The following KLHL32 variants were observed in gnomAD, a reference collection of about 807,000 sequenced individuals.
The protein encoded by KLHL32 is kelch-like protein 32.
A neutral mutation model predicts 64.8 loss-of-function variants in KLHL32; 35 were observed. That is an observed-to-expected ratio of 0.54 (90% CI 0.41 to 0.72). The LOEUF is 0.72. Ranked by LOEUF, KLHL32 falls within the 30% of genes least tolerant of loss-of-function variation. The pLI is 0.00. For missense variants in KLHL32, 589 were observed against 768.5 expected (o/e 0.77, Z 2.76); for synonymous variants, 259 against 281.0 (o/e 0.92, Z 0.78).
At chr6:97,018,237 A>C (rs546778375) in intron 3 of KLHL32, among the ~76,000 whole-genome samples, 124 of 152,308 alleles carry the variant, frequency 8.1e-4, no homozygotes, top group Non-Finnish European at 1.5e-3. Flanking sequence ...AGAAGATGAC[A>C]GATATTAGAC....
chr6:96,986,770 C>T (rs1471414158), intron 3 of KLHL32, among the ~76,000 whole-genome samples: 2 of 152,244 alleles, frequency 1.3e-5, no homozygotes, highest in Non-Finnish European at 2.9e-5. Flanking sequence ...TGCCATCTGT[C>T]ACCCCTTTCT....
chr6:97,140,496 T>C lies in KLHL32; in HGVS notation c.*1214T>C, dbSNP rs1419762643. 1 of 152,212 alleles carries C rather than the reference T, an allele frequency of 6.6e-6. No individual in the cohort carries two copies. The highest frequency in any genetic ancestry group is 2.4e-5 in the African/African-American group (1 of 41,588). The allele number at this position is 152,212 out of a possible 1,614,324, so 9.4% of individuals were successfully genotyped here. ...TCTTTTTTAGACTAGTTTTTGGGTT[T>C]GCTTTGTCTATAACAAAAAATAAAT... On this transcript the variant is annotated 3_prime_UTR_variant, in exon 11 of 11. Transcript: ENST00000369261.
chr6:96,952,893 T>A (rs1399188771), intron 1 of KLHL32, among the ~76,000 whole-genome samples: 2 of 152,178 alleles, frequency 1.3e-5, no homozygotes, highest in Non-Finnish European at 2.9e-5. Flanking sequence ...CAGCCAGGCC[T>A]ATGGCCCCCA....
At chr6:96,969,400 T>G (rs1402590101) in intron 2 of KLHL32, among the ~76,000 whole-genome samples, 2 of 152,198 alleles carry the variant, frequency 1.3e-5, no homozygotes, top group Non-Finnish European at 2.9e-5. Context: ...CAGTCTTTCC[T>G]TTCCTCATTT....
At chr6:97,096,059 A>G (rs1794941105) in intron 6 of KLHL32, among the ~76,000 whole-genome samples, 1 of 152,140 alleles carries the variant, frequency 6.6e-6, no homozygotes, top group Non-Finnish European at 1.5e-5. Context: ...TATTGCACGG[A>G]AAATTCAAGA....
intron 1 of KLHL32, among the ~76,000 whole-genome samples, chr6:96,944,667 C>T (rs1017580802): frequency 6.6e-6 from 1 of 152,182 alleles, no homozygotes; most frequent in Admixed American, 6.5e-5. Context: ...TAAATGTTGG[C>T]TCAGAAAGGC....
the KLHL32 span, among the ~76,000 whole-genome samples, chr6:96,901,135 C>A: frequency 6.6e-6 from 1 of 152,202 alleles, no homozygotes; most frequent in African/African-American, 2.4e-5. Context: ...CAGATGCCTG[C>A]TTTGTGGTTA....
chr6:96,933,311 T>G lies in KLHL32; in HGVS notation c.-66+8285T>G, dbSNP rs188601240. On this transcript the variant is annotated intron_variant, in intron 1 of 10. Transcript: ENST00000369261. ...CTGCTTCCTCTACTTGGACCTCTTT[T>G]GGGAGATTTATATCCTGTGATTGCT... Among the ~76,000 whole-genome samples, 144 of 152,288 alleles carry G rather than the reference T, an allele frequency of 9.5e-4. 1 individual carries two copies. The Middle Eastern group carries it at 0.01, about 11-fold the overall frequency.
chr6:97,007,015 C>G (rs1467559937), intron 3 of KLHL32, among the ~76,000 whole-genome samples: 1 of 152,096 alleles, frequency 6.6e-6, no homozygotes, highest in African/African-American at 2.4e-5. Flanking sequence ...CTCCACATTT[C>G]CCAAATTTTA....
At chr6:97,077,181 C>T (rs559913003) in intron 5 of KLHL32, among the ~76,000 whole-genome samples, 2 of 152,210 alleles carry the variant, frequency 1.3e-5, no homozygotes, top group East Asian at 3.9e-4. Flanking sequence ...GCCTGCCTTT[C>T]CCTGGAGATG....
intron 6 of KLHL32, among the ~76,000 whole-genome samples, chr6:97,101,733 A>G (rs900378251): frequency 6.6e-6 from 1 of 152,244 alleles, no homozygotes; most frequent in Non-Finnish European, 1.5e-5. Context: ...GGTTAATCAT[A>G]AGAGCTAGTT....
intron 6 of KLHL32, among the ~76,000 whole-genome samples, chr6:97,090,891 G>T (rs1038277477): frequency 6.6e-6 from 1 of 152,206 alleles, no homozygotes; most frequent in African/African-American, 2.4e-5. Flanking sequence ...GGGCACAGAG[G>T]TGCATCCAAT....
chr6:97,132,822 A>G, intron 10 of KLHL32, 75 bp downstream of exon 10: 1 of 997,470 alleles, frequency 1.0e-6, no homozygotes, highest in African/African-American at 1.7e-5. Flanking sequence ...CTGCTACTGA[A>G]GAAAGAGATA....
intron 8 of KLHL32, among the ~76,000 whole-genome samples, chr6:97,130,295 G>T (rs1484438473): frequency 6.6e-6 from 1 of 152,170 alleles, no homozygotes; most frequent in African/African-American, 2.4e-5. Context: ...CTGGCACAGA[G>T]ATATTAAGTA....
intron 6 of KLHL32, among the ~76,000 whole-genome samples, chr6:97,089,963 T>G (rs6907163): frequency 0.03 from 4,603 of 152,196 alleles, 81 homozygotes; most frequent in East Asian, 0.07. Flanking sequence ...TTTCCTTTAT[T>G]CTATTAGGTT....
intron 1 of KLHL32, among the ~76,000 whole-genome samples, chr6:96,945,540 T>C (rs1438259525): frequency 2.0e-5 from 3 of 152,174 alleles, no homozygotes; most frequent in Non-Finnish European, 2.9e-5. Flanking sequence ...CACCCAAGCC[T>C]ACTCAGACTC....
chr6:97,004,256 T>G (rs1357437229), intron 3 of KLHL32, among the ~76,000 whole-genome samples: 1 of 152,142 alleles, frequency 6.6e-6, no homozygotes, highest in Admixed American at 6.5e-5. Flanking sequence ...GTGACTGAGT[T>G]CTTGATTTGG....
chr6:97,133,724 TTGTC>T (rs1304098434), intron 10 of KLHL32, among the ~76,000 whole-genome samples: 20 of 152,202 alleles, frequency 1.3e-4, no homozygotes, highest in African/African-American at 4.1e-4. Context: ...TGACAGAGGT[TTGTC>T]TGGGGAATTT....
intron 1 of KLHL32, among the ~76,000 whole-genome samples, chr6:96,943,385 TAA>T (rs72275621): frequency 1.0e-3 from 145 of 140,016 alleles, no homozygotes; most frequent in Middle Eastern, 3.8e-3. Flanking sequence ...CAAGAAGAAG[TAA>T]AAAAAAAAAA....
Sources: allele counts gnomAD v4.1 joint callset (sites outside exome capture counted in the v4.1 genomes callset), GRCh38; gene constraint gnomAD v4.1.1; transcripts MANE v1.5; gene names NCBI Gene and HGNC (gene_info 2026-07-23, HGNC 2026-07-21).